The following ZNF217 variants were observed in gnomAD, a reference collection of about 807,000 sequenced individuals.
ZNF217 encodes zinc finger protein 217.
ZNF217 carries 12 observed loss-of-function variants against 73.3 expected under a neutral mutation model. The ratio of observed to expected loss-of-function variants is 0.16; its 90% CI spans 0.10 to 0.27. The LOEUF is 0.27. ZNF217 is among the 10% of genes least tolerant of loss of function. The probability of loss-of-function intolerance (pLI) is 1.00; values close to 1 mark genes in which losing one functional copy is unlikely to be tolerated. For synonymous variants in ZNF217, 588 were observed against 516.4 expected, an observed-to-expected ratio of 1.14 and a Z score of -1.88; for missense variants, 1,195 against 1,327.8, an observed-to-expected ratio of 0.90 and a Z score of 1.55.
chr20:53,576,545 T>C lies in ZNF217; in HGVS notation c.2219A>G (p.His740Arg), dbSNP rs535274579. The change falls in exon 4 of 6, where the codon CAT (histidine) becomes CGT (arginine). Residue 740 changes from histidine (H) to arginine (R), a missense_variant. Physicochemically the swap from His to Arg is conservative, Grantham distance 29. Transcript: ENST00000371471. The stretch of plus-strand genomic sequence containing the variant: ...CAAGGACTTGTTTCGACAGTTTTTA[T>C]GAACGTCAGGATTGTATTTATGCTC... ...RLEHKYNPDV[H>R]KNCRNKSLLR... is the part of the protein sequence containing the mutation. The C allele has an allele frequency of 6.8e-6, 11 of 1,614,266 alleles. No homozygotes were observed. In the South Asian group the frequency reaches 9.9e-5, roughly 15 times the overall value.
At chr20:53,570,878 G>A (rs921776251) in intron 5 of ZNF217, among the ~76,000 whole-genome samples, 1 of 152,332 alleles carries the variant, frequency 6.6e-6, no homozygotes, top group South Asian at 2.1e-4. Context: ...GCAGAGCGGG[G>A]CTTTGAGCAA....
At chr20:53,594,549 C>G (rs1206206310), upstream of ZNF217, among the ~76,000 whole-genome samples, 6 of 151,808 alleles carry the variant, frequency 4.0e-5, no homozygotes, top group East Asian at 9.7e-4. Flanking sequence ...ACCCTCCCCG[C>G]GCCCCCCGCC....
At chr20:53,579,007 C>CT (rs1292056419) in intron 2 of ZNF217, among the ~76,000 whole-genome samples, 1 of 152,158 alleles carries the variant, frequency 6.6e-6, no homozygotes, top group East Asian at 1.9e-4. Flanking sequence ...GGGCAAGCAC[C>CT]TAGGAAAGTC....
chr20:53,584,727 A>C (rs905729489), intron 1 of ZNF217, among the ~76,000 whole-genome samples: 15 of 152,242 alleles, frequency 9.9e-5, no homozygotes, highest in African/African-American at 2.9e-4. Flanking sequence ...GGTTCTGGGG[A>C]TAGAGCTACA....
intron 3 of ZNF217, 117 bp downstream of exon 3, chr20:53,578,217 A>G (rs1487290584): frequency 3.1e-6 from 2 of 642,610 alleles, no homozygotes; most frequent in East Asian, 3.0e-5. Flanking sequence ...AACATGCTAC[A>G]TATTTATCCT....
rs61379629 is a variant in ZNF217, at chr20:53,588,594, CTA to C, written c.-343+5160_-343+5161del. Among the ~76,000 whole-genome samples the C allele has an allele frequency of 3.2e-3, 479 of 148,246 alleles. 3 individuals carry two copies. Among genetic ancestry groups the C allele is most frequent in the Middle Eastern group, 6.9e-3 (2 of 290 alleles). The stretch of plus-strand genomic sequence containing the variant: ...TGAACGTGTGTATACACACATCTAT[CTA>C]TATATATATATATATATATATATAT... On this transcript the variant is annotated intron_variant, in intron 1 of 5. Transcript: ENST00000371471.
chr20:53,577,322 A>T, intron 3 of ZNF217, 42 bp from the exon 4 acceptor site: 5 of 1,532,478 alleles, frequency 3.3e-6, no homozygotes, highest in Non-Finnish European at 4.4e-6. Flanking sequence ...GTGTATGAAA[A>T]GCACTGAAAT....
At chr20:53,590,800 G>A (rs2145980419) in intron 1 of ZNF217, among the ~76,000 whole-genome samples, 1 of 152,208 alleles carries the variant, frequency 6.6e-6, no homozygotes, top group East Asian at 1.9e-4. Flanking sequence ...GAGATAGAAG[G>A]ACTTAGTCAT....
rs1988550338 is a variant in ZNF217 at position 53,582,516 on chromosome 20, T to C, written c.311A>G (p.Tyr104Cys). Reference sequence around the variant, plus strand: ...TTGACTTTTATCAAGCGGACTGAGATACTCTGCTTCAACCCGAAGAACTGC... The same window carrying C: ...TTGACTTTTATCAAGCGGACTGAGACACTCTGCTTCAACCCGAAGAACTGC... ...EPAVLRVEAE[Y>C]LSPLDKSQVR... The change falls in exon 2 of 6, where the codon TAT becomes TGT. Residue 104 changes from tyrosine (Y) to cysteine (C), a missense_variant. Coordinates refer to ENST00000371471, the MANE Select transcript of ZNF217 (RefSeq NM_006526.3). The surrounding 1 kb of genome is among the most constrained non-coding windows in gnomAD (Gnocchi z 4.8). 3 of 1,614,194 alleles carry C rather than the reference T, an allele frequency of 1.9e-6. No individual in the cohort carries two copies. The highest frequency in any genetic ancestry group is 2.5e-6 in the Non-Finnish European group (3 of 1,180,040).
Position 53,576,925 on chromosome 20 carries a change from T to A in ZNF217, c.1839A>T (p.Lys613Asn). 6.2e-7 allele frequency: 1 copy of A among 1,614,182 alleles called. No individual in the cohort carries two copies. The highest frequency in any genetic ancestry group is 8.5e-7 in the Non-Finnish European group (1 of 1,180,034). The change falls in exon 4 of 6, where the codon AAA (lysine) becomes AAT (asparagine). Residue 613 changes from lysine to asparagine, a missense_variant. Coordinates refer to ENST00000371471, the MANE Select transcript of ZNF217 (RefSeq NM_006526.3). ...AAGCAGGGGTAGGGTTTTTATTCAC[T>A]TTATCAGCACTGTCATCAGCTGCAT... ...HKNAADDSAD[K>N]VNKNPTPAYL... is the part of the protein sequence containing the mutation.
chr20:53,567,631 T>C lies in ZNF217; in HGVS notation c.*1657A>G, dbSNP rs560780606. 2 of 152,740 alleles carry C rather than the reference T, an allele frequency of 1.3e-5. No homozygotes were observed. The highest frequency in any genetic ancestry group is 4.8e-5 in the African/African-American group (2 of 41,580). 9.5% of individuals were successfully genotyped at this position (152,740 alleles called of 1,614,324 possible). A position where few individuals can be genotyped will look rare whatever the true frequency, so the allele number is the denominator to read the frequency against. On this transcript the variant is annotated 3_prime_UTR_variant, in exon 6 of 6. Transcript: ENST00000371471. ...TGTGTTAATCTTCAAAAATAGGCTA[T>C]AAAAGTGCAAAACTATGAAAACAAA...
chr20:53,582,809 T>C lies in ZNF217; in HGVS notation c.18A>G (p.Thr6=). Residue 6 remains threonine, a synonymous_variant, in exon 2 of 6, where the codon ACA becomes ACG. Coordinates refer to ENST00000371471, the MANE Select transcript of ZNF217 (RefSeq NM_006526.3). The surrounding 1 kb of genome is among the most constrained non-coding windows in gnomAD (Gnocchi z 4.8). MQSKV[T]GNMPTQSLLM... ...AGAGGGATTGAGTTGGCATGTTTCC[T>C]GTCACTTTCGATTGCATATAATCTC... 2 of 1,602,370 alleles carry C rather than the reference T, an allele frequency of 1.2e-6. No individual in the cohort carries two copies. Among genetic ancestry groups the C allele is most frequent in the African/African-American group, 1.3e-5 (1 of 74,634 alleles).
upstream of ZNF217, chr20:53,593,851 G>GGA (rs1189905909): frequency 8.0e-5 from 12 of 149,800 alleles, no homozygotes; most frequent in Non-Finnish European, 1.3e-4. Context: ...AGGAGGAGCG[G>GGA]GCGCGGAGGG....
In ZNF217 at chr20:53,578,374, A is replaced by G. The variant is rs1365485689; in HGVS notation, c.1443T>C (p.Arg481=). The G allele has an allele frequency of 6.3e-7, 1 of 1,599,070 alleles. No individual in the cohort carries two copies. The highest frequency in any genetic ancestry group is 1.8e-5 in the Admixed American group (1 of 56,234). Reference sequence around the variant, plus strand: ...GATGAATATTGAGGTAATAATTTGAACGGAAAAACTTTCCACAATAACTAC... The same window carrying G: ...GATGAATATTGAGGTAATAATTTGAGCGGAAAAACTTTCCACAATAACTAC... ...RECSYCGKFF[R]SNYYLNIHLR... is the part of the protein sequence containing the mutation. The change falls in exon 3 of 6, where the codon CGT becomes CGC. Residue 481 remains arginine, a synonymous_variant. Transcript: ENST00000371471.
chr20:53,578,470 T>C lies in ZNF217; in HGVS notation c.1367-20A>G. The stretch of plus-strand genomic sequence containing the variant: ...TTTTATCTTAAAGGAAAAACAAAAA[T>C]ATTTATATAAGAAGGTAGCTGAAGT... On this transcript the variant is annotated intron_variant, in intron 2 of 5. Transcript: ENST00000371471. 1.4e-6 allele frequency: 2 copies of C among 1,476,404 alleles called. No homozygotes were observed. The highest frequency in any genetic ancestry group is 1.8e-6 in the Non-Finnish European group (2 of 1,085,502). The allele number at this position is 1,476,404 out of a possible 1,614,324, so 91.5% of individuals were successfully genotyped here.
At chr20:53,590,219 T>TA (rs1158669657) in intron 1 of ZNF217, among the ~76,000 whole-genome samples, 1 of 152,258 alleles carries the variant, frequency 6.6e-6, no homozygotes, top group African/African-American at 2.4e-5. Context: ...TCCTACTTTC[T>TA]AATTCTAAGG....
chr20:53,582,901 T>A lies in ZNF217; in HGVS notation c.-75A>T. 2 of 1,474,696 alleles carry A rather than the reference T, an allele frequency of 1.4e-6. No individual in the cohort carries two copies. The highest frequency in any genetic ancestry group is 1.4e-5 in the African/African-American group (1 of 71,074). 91.4% of individuals were successfully genotyped at this position (1,474,696 alleles called of 1,614,324 possible). On this transcript the variant is annotated 5_prime_UTR_variant, in exon 2 of 6. Transcript: ENST00000371471. This position sits in a 1 kb window ranked among gnomAD's most constrained non-coding sequence, Gnocchi z 4.8. ...TTGTAAGACTTGTCACTCACCCCTC[T>A]AACAGCCCTGGGTTCCAAAAACCAG...
intron 1 of ZNF217, among the ~76,000 whole-genome samples, chr20:53,593,001 G>A (rs529778841): frequency 1.3e-5 from 2 of 151,958 alleles, no homozygotes; most frequent in African/African-American, 2.4e-5. Flanking sequence ...AGAACATTAA[G>A]ACTTAAAAAA....
At chr20:53,589,123 G>GA (rs1175461036) in intron 1 of ZNF217, among the ~76,000 whole-genome samples, 7 of 152,144 alleles carry the variant, frequency 4.6e-5, no homozygotes, top group Non-Finnish European at 1.0e-4. Flanking sequence ...AGACACACCA[G>GA]AAAATAATGG....
Sources: gnomAD v4.1 joint callset for allele counts (sites outside exome capture counted in the v4.1 genomes callset) on GRCh38, gnomAD v4.1.1 for gene constraint, Gnocchi (gnomAD v3.1) non-coding constraint, MANE v1.5 for transcripts, NCBI Gene and HGNC (gene_info 2026-07-23, HGNC 2026-07-21) for gene names.